The following PLEKHA5 variants were observed in gnomAD, a reference collection of about 807,000 sequenced individuals.
The protein encoded by PLEKHA5 is pleckstrin homology domain containing A5.
In PLEKHA5, 55 loss-of-function variants were observed where a neutral mutation model predicts 181.9. That is an observed-to-expected ratio of 0.30 (90% CI 0.24 to 0.38). The LOEUF (loss-of-function observed/expected upper bound fraction) is 0.38, where lower values mean the gene tolerates loss of function less well. PLEKHA5 is among the 10% of genes least tolerant of loss of function. The pLI is 1.00. For missense variants in PLEKHA5, 1,432 were observed against 1,549.5 expected (o/e 0.92, Z 1.27); for synonymous variants, 535 against 529.4 (o/e 1.01, Z -0.15).
At chr12:19,267,808 A>G (rs1328309456) in intron 8 of PLEKHA5, among the ~76,000 whole-genome samples, 1 of 151,770 alleles carries the variant, frequency 6.6e-6, no homozygotes, top group East Asian at 1.9e-4. Context: ...TACTAAAAAT[A>G]CAAAATTAGC....
intron 3 of PLEKHA5, among the ~76,000 whole-genome samples, chr12:19,145,226 C>G (rs1053807932): frequency 1.3e-5 from 2 of 152,032 alleles, no homozygotes; most frequent in East Asian, 3.9e-4. Flanking sequence ...ATGTGCTTGA[C>G]TGAACTGTCG....
intron 11 of PLEKHA5, among the ~76,000 whole-genome samples, chr12:19,276,495 A>G (rs1355563588): frequency 6.6e-6 from 1 of 152,218 alleles, no homozygotes; most frequent in Non-Finnish European, 1.5e-5. Flanking sequence ...GTTCGAGACC[A>G]GCCTGGCCAA....
chr12:19,130,182 C>CGG lies in PLEKHA5; in HGVS notation c.169+52_169+53insGG. 8.2e-7 allele frequency: 1 copy of CGG among 1,212,218 alleles called. No homozygotes were observed. Among genetic ancestry groups the CGG allele is most frequent in the African/African-American group, 1.6e-5 (1 of 62,898 alleles). The allele number at this position is 1,212,218 out of a possible 1,614,324, so 75.1% of individuals were successfully genotyped here. On this transcript the variant is annotated intron_variant, in intron 2 of 31. Transcript: ENST00000429027. This position sits in a 1 kb window ranked among gnomAD's most constrained non-coding sequence, Gnocchi z 4.5. ...GCTCCGCCTGGAGGAGGCGGCAGAGCCCGGGCCGCCCGGCTCCCCGCAACC... is the reference window on the plus strand; with the variant it reads ...GCTCCGCCTGGAGGAGGCGGCAGAGCGGCCGGGCCGCCCGGCTCCCCGCAACC...
chr12:19,288,761 C>T (rs1208926914), intron 13 of PLEKHA5, among the ~76,000 whole-genome samples: 4 of 152,234 alleles, frequency 2.6e-5, no homozygotes, highest in Admixed American at 1.3e-4. Flanking sequence ...GACAAATAGT[C>T]ATTAATCATA....
chr12:19,299,268 A>G (rs1592374237), intron 15 of PLEKHA5, among the ~76,000 whole-genome samples: 1 of 152,252 alleles, frequency 6.6e-6, no homozygotes, highest in Non-Finnish European at 1.5e-5. Flanking sequence ...TTCACTGAAA[A>G]TGGAAAAATC....
At chr12:19,261,070 A>G (rs2068337880) in intron 7 of PLEKHA5, 49 bp downstream of exon 7, 10 of 990,420 alleles carry the variant, frequency 1.0e-5, no homozygotes, top group Non-Finnish European at 1.6e-5. Context: ...TTGATATGTA[A>G]TATAAGTTAA....
chr12:19,340,868 T>C (rs1318261462), intron 21 of PLEKHA5, among the ~76,000 whole-genome samples: 2 of 149,628 alleles, frequency 1.3e-5, no homozygotes, highest in East Asian at 2.0e-4. Context: ...TGTTCACTTA[T>C]CTGCTGACCT....
chr12:19,277,138 G>A (rs1018312995), intron 11 of PLEKHA5, among the ~76,000 whole-genome samples: 1 of 150,286 alleles, frequency 6.7e-6, no homozygotes, highest in East Asian at 1.9e-4. Flanking sequence ...CAGAAAAGAA[G>A]CAGGAAGCAG....
Position 19,318,052 on chromosome 12 carries a change from T to G in PLEKHA5, c.2119-1969T>G, listed in dbSNP as rs188638084. ...TCTTTTTTTTCGGTAGGGCCAGGGG[T>G]TGGGATGAGGAGTCAGGATTTTCAT... On this transcript the variant is annotated intron_variant, in intron 16 of 31. Coordinates refer to ENST00000429027, the MANE Select transcript of PLEKHA5 (RefSeq NM_001256470.2). Among the ~76,000 whole-genome samples, 702 of 148,586 alleles carry G rather than the reference T, an allele frequency of 4.7e-3. 6 individuals are homozygous for G. The highest frequency in any genetic ancestry group is 0.017 in the African/African-American group (677 of 40,248).
At chr12:19,318,234 T>C (rs1193826434) in intron 16 of PLEKHA5, among the ~76,000 whole-genome samples, 1 of 152,040 alleles carries the variant, frequency 6.6e-6, no homozygotes, top group Non-Finnish European at 1.5e-5. Flanking sequence ...AATATCTTTA[T>C]TGAATAACTT....
chr12:19,186,828 C>T (rs1350698502), intron 3 of PLEKHA5, among the ~76,000 whole-genome samples: 1 of 152,148 alleles, frequency 6.6e-6, no homozygotes. Flanking sequence ...AGAAACATTC[C>T]TTTCTCTTTG....
intron 3 of PLEKHA5, among the ~76,000 whole-genome samples, chr12:19,199,174 A>G (rs1418228456): frequency 6.6e-6 from 1 of 152,188 alleles, no homozygotes; most frequent in East Asian, 1.9e-4. Context: ...ACAAATTATT[A>G]TGCAGAATTT....
rs1454541711 is a variant in PLEKHA5, at chr12:19,376,224, T to C, written c.*705T>C. On this transcript the variant is annotated 3_prime_UTR_variant, in exon 32 of 32. Transcript: ENST00000429027. Reference sequence around the variant, plus strand: ...TCATTGGAATACATGTGTACAGCAATAAGCAGGTTTCCAAATCCGGTACTT... The same window carrying C: ...TCATTGGAATACATGTGTACAGCAACAAGCAGGTTTCCAAATCCGGTACTT... The C allele has an allele frequency of 6.6e-6, 1 of 152,454 alleles. No individual in the cohort carries two copies. The highest frequency in any genetic ancestry group is 1.9e-4 in the East Asian group (1 of 5,190). The allele number at this position is 152,454 out of a possible 1,614,324, so 9.4% of individuals were successfully genotyped here.
intron 3 of PLEKHA5, among the ~76,000 whole-genome samples, chr12:19,164,396 T>C (rs2043788245): frequency 6.6e-6 from 1 of 152,112 alleles, no homozygotes; most frequent in Non-Finnish European, 1.5e-5. Context: ...AGTTTCACCA[T>C]GTTGGCCAAA....
rs1418883777 is a variant in PLEKHA5 at position 19,130,625 on chromosome 12, T to C, written c.169+495T>C. On this transcript the variant is annotated intron_variant, in intron 2 of 31. Transcript: ENST00000429027. This position sits in a 1 kb window ranked among gnomAD's most constrained non-coding sequence, Gnocchi z 4.5. ...ATCCTCCCCCTCCTCCCAGGAGCGC[T>C]GCCTCCTGCCGTGCAGCTTCCTCCT... The C allele has an allele frequency of 6.6e-6, 1 of 152,512 alleles. No homozygotes were observed. The highest frequency in any genetic ancestry group is 1.5e-5 in the Non-Finnish European group (1 of 68,324). 9.4% of individuals were successfully genotyped at this position (152,512 alleles called of 1,614,324 possible).
chr12:19,135,744 A>G (rs1331364213), intron 3 of PLEKHA5, among the ~76,000 whole-genome samples: 4 of 152,172 alleles, frequency 2.6e-5, no homozygotes, highest in Admixed American at 2.6e-4. Flanking sequence ...TGAGTTAATC[A>G]GTTTATTTTA....
chr12:19,274,830 T>A lies in PLEKHA5; in HGVS notation c.1160T>A (p.Val387Asp). ...LSSSENKIVN[V>D]SLADLRGGNR... ...AGTTCAGAGAACAAAATAGTCAATG[T>A]TAGCCTGGCAGATCTTAGAGGTGGA... is the stretch of plus-strand genomic sequence containing the variant. Residue 387 changes from valine (V) to aspartate (D), a missense_variant, in exon 11 of 32, where the codon GTT (valine) becomes GAT (aspartate). Physicochemically the swap from Val to Asp is radical, Grantham distance 152 (BLOSUM62 -3). Around this residue, in one of 2 missense-constraint regions of PLEKHA5, gnomAD observed 1,143 missense variants for 1,168.4 expected, o/e 0.98. Coordinates refer to ENST00000429027, the MANE Select transcript of PLEKHA5 (RefSeq NM_001256470.2). 1 of 1,614,192 alleles carries A rather than the reference T, an allele frequency of 6.2e-7. No homozygotes were observed. The highest frequency in any genetic ancestry group is 8.5e-7 in the Non-Finnish European group (1 of 1,180,046).
chr12:19,267,809 C>G (rs1019354657), intron 8 of PLEKHA5, among the ~76,000 whole-genome samples: 3 of 151,048 alleles, frequency 2.0e-5, no homozygotes, highest in Non-Finnish European at 4.4e-5. Flanking sequence ...ACTAAAAATA[C>G]AAAATTAGCC....
intron 21 of PLEKHA5, among the ~76,000 whole-genome samples, chr12:19,341,889 G>A (rs969762666): frequency 1.3e-5 from 2 of 151,848 alleles, no homozygotes; most frequent in African/African-American, 2.4e-5. Flanking sequence ...ACACCACCCC[G>A]CCCAGCTAAG....
Sources: allele counts gnomAD v4.1 joint callset (sites outside exome capture counted in the v4.1 genomes callset), GRCh38; gene constraint gnomAD v4.1.1; regional missense constraint gnomAD v4.1.1; non-coding constraint Gnocchi (gnomAD v3.1); transcripts MANE v1.5; gene names NCBI Gene and HGNC (gene_info 2026-07-23, HGNC 2026-07-21).